The following DPP10 variants were observed in gnomAD, a reference collection of about 807,000 sequenced individuals.
DPP10 encodes dipeptidyl peptidase like 10.
Under a neutral mutation model 120.9 loss-of-function variants are expected in DPP10, and 33 were observed. The observed-to-expected ratio is 0.27, with a 90% CI of 0.21 to 0.37. The LOEUF is 0.37. Ranked by LOEUF, DPP10 falls within the 10% of genes least tolerant of loss-of-function variation. The probability of loss-of-function intolerance (pLI) is 1.00; values close to 1 mark genes in which losing one functional copy is unlikely to be tolerated. For synonymous variants in DPP10, 337 were observed against 326.1 expected (o/e 1.03, Z -0.36); for missense variants, 816 against 942.8 (o/e 0.87, Z 1.76).
At chr2:115,127,841 C>T (rs1388517352) in intron 1 of DPP10, among the ~76,000 whole-genome samples, 1 of 152,098 alleles carries the variant, frequency 6.6e-6, no homozygotes, top group Non-Finnish European at 1.5e-5. Context: ...GGTGTGTGAA[C>T]ATGTGTACAC....
chr2:115,801,602 G>A (rs1054683399), intron 19 of DPP10, among the ~76,000 whole-genome samples: 2 of 152,208 alleles, frequency 1.3e-5, no homozygotes, highest in East Asian at 1.9e-4. Context: ...TTTGAGATAC[G>A]TCTCATCTAT....
At chr2:114,771,869 C>G (rs1035725929) in intron 1 of DPP10, among the ~76,000 whole-genome samples, 1 of 152,066 alleles carries the variant, frequency 6.6e-6, no homozygotes, top group Non-Finnish European at 1.5e-5. Flanking sequence ...TTAATAAACA[C>G]TTTAGATTTT....
In DPP10 at chr2:114,713,320, C is replaced by A. The variant is rs1329066922; in HGVS notation, c.60+270482C>A. Among the ~76,000 whole-genome samples, 3 of 152,100 alleles carry A rather than the reference C, an allele frequency of 2.0e-5. No individual in the cohort carries two copies. In the East Asian group the frequency reaches 5.8e-4, roughly 29 times the overall value. On this transcript the variant is annotated intron_variant, in intron 1 of 25. Coordinates refer to ENST00000410059, the MANE Select transcript of DPP10 (RefSeq NM_020868.6). The stretch of plus-strand genomic sequence containing the variant: ...GTAATAAAATTCTGACGCAGTCTTT[C>A]AGTCTTTTATTATTTCCTTAAAATA...
chr2:115,084,696 C>T (rs1211630747), intron 1 of DPP10, among the ~76,000 whole-genome samples: 4 of 152,194 alleles, frequency 2.6e-5, no homozygotes, highest in South Asian at 2.1e-4. Context: ...AAGAAAACAA[C>T]GGAGGGACAC....
At chr2:115,355,506 T>C (rs2064316950) in intron 3 of DPP10, among the ~76,000 whole-genome samples, 1 of 152,214 alleles carries the variant, frequency 6.6e-6, no homozygotes, top group South Asian at 2.1e-4. Flanking sequence ...TTTTGAAGGT[T>C]GCCTGTTCAC....
intron 3 of DPP10, among the ~76,000 whole-genome samples, chr2:115,455,645 G>A (rs914704123): frequency 6.6e-6 from 1 of 151,798 alleles, no homozygotes; most frequent in African/African-American, 2.4e-5. Flanking sequence ...CAAAACAGAG[G>A]CCTCAGAGAC....
intron 3 of DPP10, among the ~76,000 whole-genome samples, chr2:115,373,441 T>C (rs1479704175): frequency 6.6e-6 from 1 of 152,106 alleles, no homozygotes; most frequent in Non-Finnish European, 1.5e-5. Flanking sequence ...TCTATTAAGA[T>C]TATATTGAAG....
chr2:114,626,773 A>T (rs141357602), intron 1 of DPP10, among the ~76,000 whole-genome samples: 9 of 152,244 alleles, frequency 5.9e-5, no homozygotes, highest in African/African-American at 1.2e-4. Context: ...CGGAAATTTT[A>T]AAAAATCAGC....
chr2:115,263,186 T>A (rs2059326980), intron 1 of DPP10, among the ~76,000 whole-genome samples: 1 of 152,110 alleles, frequency 6.6e-6, no homozygotes, highest in South Asian at 2.1e-4. Context: ...ATCACAAACA[T>A]GTGTTTGTGT....
rs76365865 is a variant in DPP10, at chr2:114,636,028, G to A, written c.60+193190G>A. ...TTGACTTTTTGCTTAAAAGCTGCCA[G>A]TTATTTTCTTCAAAGTGACAGATTC... On this transcript the variant is annotated intron_variant, in intron 1 of 25. Transcript: ENST00000410059. Among the ~76,000 whole-genome samples the A allele has an allele frequency of 8.0e-3, 1,218 of 151,992 alleles. 50 individuals are homozygous for A. Among genetic ancestry groups the A allele is most frequent in the African/African-American group, 0.028 (1,165 of 41,292 alleles).
chr2:114,560,569 G>A (rs1688688647), intron 1 of DPP10, among the ~76,000 whole-genome samples: 1 of 152,100 alleles, frequency 6.6e-6, no homozygotes, highest in Non-Finnish European at 1.5e-5. Flanking sequence ...CACTGGTCCT[G>A]GGTGAGGAGA....
At chr2:114,955,129 G>A (rs1340021855) in intron 1 of DPP10, among the ~76,000 whole-genome samples, 1 of 152,188 alleles carries the variant, frequency 6.6e-6, no homozygotes, top group African/African-American at 2.4e-5. Context: ...AGCCCCGAGG[G>A]CTGCTGGTTG....
At chr2:115,215,666 T>C (rs2105377130) in intron 1 of DPP10, among the ~76,000 whole-genome samples, 1 of 152,208 alleles carries the variant, frequency 6.6e-6, no homozygotes, top group Non-Finnish European at 1.5e-5. Flanking sequence ...GGTGGGAATA[T>C]GTATTAATAC....
chr2:115,697,588 A>T (rs1461061258), intron 7 of DPP10, among the ~76,000 whole-genome samples: 1 of 151,736 alleles, frequency 6.6e-6, no homozygotes, highest in African/African-American at 2.4e-5. Flanking sequence ...GGGAATATAT[A>T]TATATATATA....
intron 1 of DPP10, among the ~76,000 whole-genome samples, chr2:115,046,541 T>C (rs1371570052): frequency 6.6e-6 from 1 of 152,154 alleles, no homozygotes; most frequent in Admixed American, 6.6e-5. Flanking sequence ...TTGTCCCAAA[T>C]AAGAGTGGGT....
At chr2:114,672,131 A>G (rs1698385310) in intron 1 of DPP10, among the ~76,000 whole-genome samples, 1 of 152,152 alleles carries the variant, frequency 6.6e-6, no homozygotes, top group Admixed American at 6.6e-5. Context: ...TGGGCTGCAT[A>G]TCAGAATTTT....
intron 1 of DPP10, among the ~76,000 whole-genome samples, chr2:114,520,464 A>G (rs1684961168): frequency 6.6e-6 from 1 of 152,270 alleles, no homozygotes; most frequent in Non-Finnish European, 1.5e-5. Flanking sequence ...AATTCATTAC[A>G]AATTGACAGC....
chr2:115,103,783 G>GT (rs2104635660), intron 1 of DPP10, among the ~76,000 whole-genome samples: 1 of 152,248 alleles, frequency 6.6e-6, no homozygotes, highest in Non-Finnish European at 1.5e-5. Context: ...AAAATTCAAT[G>GT]TATAACCATT....
At chr2:115,475,492 C>G (rs1001984522) in intron 3 of DPP10, among the ~76,000 whole-genome samples, 3 of 152,212 alleles carry the variant, frequency 2.0e-5, no homozygotes, top group Non-Finnish European at 2.9e-5. Flanking sequence ...TCATGGAGAA[C>G]CTCCAGGAAG....
Sources: allele counts gnomAD v4.1 joint callset (sites outside exome capture counted in the v4.1 genomes callset), GRCh38; gene constraint gnomAD v4.1.1; transcripts MANE v1.5; gene names NCBI Gene and HGNC (gene_info 2026-07-23, HGNC 2026-07-21).